PIP4K2A: variants seen among roughly 807,000 people sequenced by gnomAD.
PIP4K2A encodes phosphatidylinositol-5-phosphate 4-kinase type 2 alpha, also known as phosphatidylinositol 5-phosphate 4-kinase type-2 alpha.
Under a neutral mutation model 42.9 loss-of-function variants are expected in PIP4K2A, and 14 were observed. That is an observed-to-expected ratio of 0.33 (90% CI 0.22 to 0.51). The LOEUF is 0.51. Ranked by LOEUF, PIP4K2A falls within the 20% of genes least tolerant of loss-of-function variation. PIP4K2A has a pLI of 0.97. For synonymous variants in PIP4K2A, 192 were observed against 192.2 expected, an observed-to-expected ratio of 1.00 and a Z score of 0.01; for missense variants, 434 against 519.8, an observed-to-expected ratio of 0.83 and a Z score of 1.61.
intron 7 of PIP4K2A, among the ~76,000 whole-genome samples, chr10:22,544,578 C>T (rs186841212): frequency 2.6e-5 from 4 of 152,192 alleles, no homozygotes; most frequent in African/African-American, 9.6e-5. Context: ...TCTGCCCACA[C>T]CTGCTCCCTC....
intron 5 of PIP4K2A, among the ~76,000 whole-genome samples, chr10:22,570,654 T>G (rs1246103568): frequency 6.6e-6 from 1 of 152,234 alleles, no homozygotes; most frequent in Non-Finnish European, 1.5e-5. Flanking sequence ...TTCAGAACCC[T>G]GGGGTCCCAA....
At chr10:22,645,259 A>G (rs1259624366) in intron 1 of PIP4K2A, among the ~76,000 whole-genome samples, 3 of 152,244 alleles carry the variant, frequency 2.0e-5, no homozygotes, top group Non-Finnish European at 4.4e-5. Flanking sequence ...TTAAAAATGA[A>G]TTAGGGCCAG....
Position 22,550,640 on chromosome 10 carries a change from C to G in PIP4K2A, c.792+19G>C. On this transcript the variant is annotated intron_variant, in intron 7 of 9. Transcript: ENST00000376573. ...GATATTTATACAATGAGTCTGGCCT[C>G]TCCACTGACTGTTCTTACCTCAACA... is the stretch of plus-strand genomic sequence containing the variant. 1.6e-6 allele frequency: 2 copies of G among 1,244,750 alleles called. No homozygotes were observed. Among genetic ancestry groups the G allele is most frequent in the Middle Eastern group, 1.8e-4 (1 of 5,428 alleles). The allele number at this position is 1,244,750 out of a possible 1,614,324, so 77.1% of individuals were successfully genotyped here.
At chr10:22,607,011 A>G (rs142906432) in intron 3 of PIP4K2A, among the ~76,000 whole-genome samples, 106 of 151,184 alleles carry the variant, frequency 7.0e-4, no homozygotes, top group African/African-American at 2.5e-3. Flanking sequence ...TACATGAAAC[A>G]AAGGCTGTGT....
In PIP4K2A at chr10:22,541,810, G is replaced by A; in HGVS notation, c.1030C>T (p.His344Tyr). The A allele has an allele frequency of 2.6e-6, 4 of 1,541,688 alleles. No individual in the cohort carries two copies. The highest frequency in any genetic ancestry group is 3.5e-6 in the Non-Finnish European group (4 of 1,146,318). ...CCACAGTAATCAAACTTACTTTCAT[G>A]GCACTTAATTCCATAGACGTCGATG... ...PNIDVYGIKC[H>Y]ENSPRKEVYF... Residue 344 changes from histidine (H) to tyrosine (Y), a missense_variant, in exon 8 of 10, where the codon CAT (histidine) becomes TAT (tyrosine). This residue lies in a region of PIP4K2A where 395 missense variants were observed against 444.5 expected (regional missense o/e 0.89). Coordinates refer to ENST00000376573, the MANE Select transcript of PIP4K2A (RefSeq NM_005028.5).
intron 1 of PIP4K2A, among the ~76,000 whole-genome samples, chr10:22,635,909 C>T (rs902396412): frequency 1.3e-5 from 2 of 152,078 alleles, no homozygotes. Flanking sequence ...ACTTAGGGTA[C>T]GTAGAAGATG....
intron 1 of PIP4K2A, among the ~76,000 whole-genome samples, chr10:22,633,660 C>T (rs1358583833): frequency 1.3e-5 from 2 of 152,122 alleles, no homozygotes; most frequent in Non-Finnish European, 2.9e-5. Context: ...GTCCTTCTCA[C>T]CCGGACCGTC....
intron 1 of PIP4K2A, among the ~76,000 whole-genome samples, chr10:22,653,547 GAAGA>G (rs1839035557): frequency 6.6e-6 from 1 of 152,218 alleles, no homozygotes; most frequent in Admixed American, 6.5e-5. Context: ...GAGGCAGACA[GAAGA>G]AAGGAGGTAG....
chr10:22,631,610 C>T (rs1224259258), intron 1 of PIP4K2A, among the ~76,000 whole-genome samples: 1 of 152,038 alleles, frequency 6.6e-6, no homozygotes, highest in Admixed American at 6.5e-5. Flanking sequence ...ATACAGTAGC[C>T]ATAGAATAAG....
intron 1 of PIP4K2A, among the ~76,000 whole-genome samples, chr10:22,681,511 A>C (rs1373543017): frequency 6.6e-6 from 1 of 152,076 alleles, no homozygotes; most frequent in Non-Finnish European, 1.5e-5. Flanking sequence ...TTGTCTCTTC[A>C]AAAAATTTTA....
intron 1 of PIP4K2A, among the ~76,000 whole-genome samples, chr10:22,618,686 G>A (rs1215380705): frequency 3.9e-5 from 6 of 152,200 alleles, no homozygotes; most frequent in Admixed American, 2.6e-4. Context: ...CTGGAGAGGT[G>A]CAGAGGGCTT....
chr10:22,591,299 C>G (rs1434229493), intron 4 of PIP4K2A, among the ~76,000 whole-genome samples: 1 of 152,224 alleles, frequency 6.6e-6, no homozygotes, highest in Non-Finnish European at 1.5e-5. Flanking sequence ...CACCTAATCT[C>G]TGGCACAGGC....
At chr10:22,551,890 T>G (rs1836418727) in intron 6 of PIP4K2A, among the ~76,000 whole-genome samples, 1 of 152,202 alleles carries the variant, frequency 6.6e-6, no homozygotes, top group South Asian at 2.1e-4. Context: ...ATCTTTCACA[T>G]GCTCGAACTG....
chr10:22,690,600 C>G (rs986580585), intron 1 of PIP4K2A, among the ~76,000 whole-genome samples: 1 of 152,042 alleles, frequency 6.6e-6, no homozygotes, highest in Non-Finnish European at 1.5e-5. Flanking sequence ...CTTCAAAGAG[C>G]ACAAATACCA....
intron 1 of PIP4K2A, among the ~76,000 whole-genome samples, chr10:22,641,685 G>A (rs1039187042): frequency 6.6e-6 from 1 of 151,976 alleles, no homozygotes; most frequent in South Asian, 2.1e-4. Flanking sequence ...CTGACCTCAA[G>A]TGATCCTCCC....
At chr10:22,568,757 TGGG>T (rs1836909586) in intron 5 of PIP4K2A, among the ~76,000 whole-genome samples, 1 of 152,174 alleles carries the variant, frequency 6.6e-6, no homozygotes, top group Admixed American at 6.5e-5. Flanking sequence ...AAAGAAAAGC[TGGG>T]AAACAAATGG....
chr10:22,671,598 A>G (rs1168005718), intron 1 of PIP4K2A, among the ~76,000 whole-genome samples: 1 of 152,150 alleles, frequency 6.6e-6, no homozygotes, highest in Non-Finnish European at 1.5e-5. Context: ...TTGTAAGAGA[A>G]CACAGGATGC....
chr10:22,640,375 C>T (rs1838756263), intron 1 of PIP4K2A, among the ~76,000 whole-genome samples: 1 of 152,150 alleles, frequency 6.6e-6, no homozygotes, highest in African/African-American at 2.4e-5. Flanking sequence ...TTTCTGCACA[C>T]AGAAGAGCAC....
intron 3 of PIP4K2A, among the ~76,000 whole-genome samples, chr10:22,594,172 AC>A (rs1837572260): frequency 6.6e-6 from 1 of 152,150 alleles, no homozygotes; most frequent in African/African-American, 2.4e-5. Context: ...AATGGTGTTT[AC>A]CCTGTGTTTT....
Sources: gnomAD v4.1 joint callset for allele counts (sites outside exome capture counted in the v4.1 genomes callset) on GRCh38, gnomAD v4.1.1 for gene constraint, gnomAD v4.1.1 regional missense constraint, MANE v1.5 for transcripts, NCBI Gene and HGNC (gene_info 2026-07-23, HGNC 2026-07-21) for gene names.